The following INPP4A variants were observed in gnomAD, a reference collection of about 807,000 sequenced individuals.
INPP4A encodes the protein inositol polyphosphate-4-phosphatase type I A.
Under a neutral mutation model 119.8 loss-of-function variants are expected in INPP4A, and 33 were observed. That is an observed-to-expected ratio of 0.28 (90% confidence interval 0.21 to 0.37). The LOEUF is 0.37. Among genes scored for constraint, INPP4A ranks in the 10% least tolerant of loss-of-function variants. The pLI is 1.00. For synonymous variants in INPP4A, 496 were observed against 500.7 expected (o/e 0.99, Z 0.12); for missense variants, 956 against 1,289.9 (o/e 0.74, Z 3.97).
At chr2:98,536,092 G>C (rs775686026) in intron 6 of INPP4A, 37 bp from the exon 7 acceptor site, 62 of 1,369,996 alleles carry the variant, frequency 4.5e-5, no homozygotes, top group Non-Finnish European at 6.3e-5. Context: ...AGCAAAGCAA[G>C]CGCACCAATG....
chr2:98,476,039 T>C (rs1677138914), intron 1 of INPP4A, among the ~76,000 whole-genome samples: 1 of 152,208 alleles, frequency 6.6e-6, no homozygotes, highest in Admixed American at 6.5e-5. Context: ...GTAACAAGTC[T>C]TTGCAATGTG....
chr2:98,544,061 A>ACACTCT (rs952049067), intron 11 of INPP4A, 54 bp downstream of exon 11: 2 of 1,463,870 alleles, frequency 1.4e-6, no homozygotes, highest in Non-Finnish European at 1.9e-6. Context: ...ACACACACAC[A>ACACTCT]CACTCTCACT....
At chr2:98,550,011 G>A (rs987488423) in intron 13 of INPP4A, among the ~76,000 whole-genome samples, 1 of 152,106 alleles carries the variant, frequency 6.6e-6, no homozygotes, top group Non-Finnish European at 1.5e-5. Flanking sequence ...GTCTAGCGGG[G>A]CAGAGGAAGA....
intron 1 of INPP4A, among the ~76,000 whole-genome samples, chr2:98,505,390 T>G (rs2105442556): frequency 6.6e-6 from 1 of 152,214 alleles, no homozygotes; most frequent in South Asian, 2.1e-4. Context: ...GCCTGACTTT[T>G]TATGTGTCCA....
intron 1 of INPP4A, among the ~76,000 whole-genome samples, chr2:98,466,737 GTCTA>G (rs746514117): frequency 6.6e-6 from 1 of 152,214 alleles, no homozygotes; most frequent in Non-Finnish European, 1.5e-5. Context: ...AGGTGATGAT[GTCTA>G]TCTGTCTTCT....
intron 7 of INPP4A, 31 bp downstream of exon 7, chr2:98,536,239 A>G (rs761738524): frequency 7.4e-7 from 1 of 1,356,856 alleles, no homozygotes. Flanking sequence ...CCTTGAAAGG[A>G]TCTGGAATCA....
intron 21 of INPP4A, among the ~76,000 whole-genome samples, chr2:98,567,347 T>A (rs1696645638): frequency 6.6e-6 from 1 of 152,170 alleles, no homozygotes; most frequent in Non-Finnish European, 1.5e-5. Context: ...ACCCACCCAC[T>A]GAGCTCATAA....
chr2:98,501,846 T>G (rs1216005191), intron 1 of INPP4A, among the ~76,000 whole-genome samples: 1 of 152,198 alleles, frequency 6.6e-6, no homozygotes, highest in African/African-American at 2.4e-5. Context: ...TTCCATCACA[T>G]TTATCTGCGT....
intron 16 of INPP4A, among the ~76,000 whole-genome samples, chr2:98,558,175 C>T (rs902457327): frequency 6.6e-6 from 1 of 152,120 alleles, no homozygotes; most frequent in Non-Finnish European, 1.5e-5. Context: ...ATGAATTTAG[C>T]AAATTGGGTT....
At chr2:98,543,450 G>A (rs1009279458) in intron 10 of INPP4A, among the ~76,000 whole-genome samples, 2 of 152,192 alleles carry the variant, frequency 1.3e-5, no homozygotes, top group East Asian at 1.9e-4. Context: ...GGCTCATTGC[G>A]ATTACTCACA....
In INPP4A at chr2:98,591,536, T is replaced by C. The variant is rs1356371762; in HGVS notation, c.*3928T>C. The stretch of plus-strand genomic sequence containing the variant: ...TTAAAGTTAAGCCAAGAAGAAGACA[T>C]GTCAGGACGCCCAGACATCAGCTAC... On this transcript the variant is annotated 3_prime_UTR_variant, in exon 25 of 25. Transcript: ENST00000409851. The C allele has an allele frequency of 6.6e-6, 1 of 152,122 alleles. No homozygotes were observed. The highest frequency in any genetic ancestry group is 1.5e-5 in the Non-Finnish European group (1 of 68,032). The allele number at this position is 152,122 out of a possible 1,614,324, so 9.4% of individuals were successfully genotyped here. A position where few individuals can be genotyped will look rare whatever the true frequency, so the allele number is the denominator to read the frequency against.
chr2:98,573,612 C>T lies in INPP4A; in HGVS notation c.2631+685C>T, dbSNP rs143880143. On this transcript the variant is annotated intron_variant, in intron 23 of 24. Coordinates refer to ENST00000409851, the MANE Select transcript of INPP4A (RefSeq NM_001134225.2). ...ACTGCCCACCACACCTCAGCCACCACGCCTCGTCACAGAGCTCGAGCAGCA... is the reference window on the plus strand; with the variant it reads ...ACTGCCCACCACACCTCAGCCACCATGCCTCGTCACAGAGCTCGAGCAGCA... 3.8e-3 allele frequency among the ~76,000 whole-genome samples: 586 copies of T among 152,300 alleles called. 2 individuals carry two copies. The highest frequency in any genetic ancestry group is 6.4e-3 in the Non-Finnish European group (436 of 68,018).
chr2:98,542,045 A>G (rs942356857), intron 10 of INPP4A, among the ~76,000 whole-genome samples: 2 of 152,256 alleles, frequency 1.3e-5, no homozygotes, highest in Admixed American at 1.3e-4. Context: ...CAGGAACTCC[A>G]GATGTTTCAG....
chr2:98,559,042 C>T (rs527891979), intron 16 of INPP4A, among the ~76,000 whole-genome samples: 7 of 152,350 alleles, frequency 4.6e-5, no homozygotes, highest in Non-Finnish European at 7.3e-5. Flanking sequence ...CCGTGGAACA[C>T]GCCGTGTACT....
At position 98,485,790 on chromosome 2, in the gene INPP4A, A is replaced by C. The variant is rs140604897; in HGVS notation, c.-165-33174A>C. On this transcript the variant is annotated intron_variant, in intron 1 of 24. Transcript: ENST00000409851. ...ATAATACAAAACTTTCTTGAGGTGA[A>C]TCTGTGACTGAGAAAATAGACATCT... 3.7e-4 allele frequency among the ~76,000 whole-genome samples: 56 copies of C among 152,344 alleles called. 1 individual carries two copies. The highest frequency in any genetic ancestry group is 1.3e-3 in the African/African-American group (54 of 41,580).
rs780088124 is a variant in INPP4A, at chr2:98,554,355, G to A, written c.1432G>A (p.Ala478Thr). The A allele has an allele frequency of 6.2e-7, 1 of 1,613,490 alleles. No individual in the cohort carries two copies. Among genetic ancestry groups the A allele is most frequent in the Non-Finnish European group, 8.5e-7 (1 of 1,179,734 alleles). Residue 478 changes from alanine (A) to threonine (T), a missense_variant, in exon 15 of 25, where the codon GCC becomes ACC. Transcript: ENST00000409851. This position sits in a 1 kb window ranked among gnomAD's most constrained non-coding sequence, Gnocchi z 4.7. ...GLNAARPDYI[A>T]SKASPTSTEE... ...GAACGCTGCACGGCCTGACTACATT[G>A]CCTCCAAGGCCTCTCCCACTTCGAC...
chr2:98,466,879 T>C (rs887856317), intron 1 of INPP4A, among the ~76,000 whole-genome samples: 7 of 152,210 alleles, frequency 4.6e-5, no homozygotes, highest in African/African-American at 7.2e-5. Context: ...TTTCTTAGAG[T>C]AGCCGGGAAA....
intron 1 of INPP4A, among the ~76,000 whole-genome samples, chr2:98,494,079 C>G (rs760303072): frequency 2.0e-5 from 3 of 152,214 alleles, no homozygotes; most frequent in Non-Finnish European, 4.4e-5. Context: ...TGAGCCAGAA[C>G]CTGCTCCTTC....
At chr2:98,544,394 G>A (rs1692106545) in intron 11 of INPP4A, among the ~76,000 whole-genome samples, 1 of 152,226 alleles carries the variant, frequency 6.6e-6, no homozygotes, top group South Asian at 2.1e-4. Context: ...CAGAAAGGAT[G>A]TAGGCCACTC....
Sources: allele counts gnomAD v4.1 joint callset (sites outside exome capture counted in the v4.1 genomes callset), GRCh38; gene constraint gnomAD v4.1.1; non-coding constraint Gnocchi (gnomAD v3.1); transcripts MANE v1.5; gene names NCBI Gene and HGNC (gene_info 2026-07-23, HGNC 2026-07-21).